Variants in NPR3 observed in about 807,000 individuals in gnomAD.
The protein encoded by NPR3 is natriuretic peptide receptor 3, also known as atrial natriuretic peptide receptor 3.
NPR3 carries 34 observed loss-of-function variants against 54.5 expected under a neutral mutation model. The ratio of observed to expected loss-of-function variants is 0.62; its 90% CI spans 0.47 to 0.83. The LOEUF (loss-of-function observed/expected upper bound fraction) is 0.83, where lower values mean the gene tolerates loss of function less well. Ranked by LOEUF, NPR3 falls within the 40% of genes least tolerant of loss-of-function variation. NPR3 has a pLI of 0.00. For synonymous variants in NPR3, 289 were observed against 297.1 expected (o/e 0.97, Z 0.28); for missense variants, 674 against 720.8 (o/e 0.94, Z 0.74).
intron 3 of NPR3, among the ~76,000 whole-genome samples, chr5:32,768,899 T>G (rs1252837113): frequency 6.6e-6 from 1 of 152,224 alleles, no homozygotes; most frequent in Non-Finnish European, 1.5e-5. Flanking sequence ...GCTTCCACTA[T>G]GCACAGAGTT....
rs1328416342 is a variant in NPR3, at chr5:32,786,870, T to C, written c.*525T>C. ...TGTGGTTGAGGACTTCTCTGTCCGATGTCTACATTCAGGTTCTGACTTCAT... is the reference window on the plus strand; with the variant it reads ...TGTGGTTGAGGACTTCTCTGTCCGACGTCTACATTCAGGTTCTGACTTCAT... On this transcript the variant is annotated 3_prime_UTR_variant, in exon 8 of 8. Transcript: ENST00000265074. 1 of 154,770 alleles carries C rather than the reference T, an allele frequency of 6.5e-6. No homozygotes were observed. The highest frequency in any genetic ancestry group is 1.9e-4 in the East Asian group (1 of 5,280). 9.6% of individuals were successfully genotyped at this position (154,770 alleles called of 1,614,324 possible).
upstream of NPR3, chr5:32,709,945 A>T (rs1337907198): frequency 2.0e-5 from 3 of 152,230 alleles, no homozygotes; most frequent in African/African-American, 7.2e-5. Flanking sequence ...ATTTGTGGAC[A>T]CGGACGCCTA....
At chr5:32,710,997 G>C (rs975760048), upstream of NPR3, among the ~76,000 whole-genome samples, 6 of 152,062 alleles carry the variant, frequency 3.9e-5, no homozygotes, top group African/African-American at 1.4e-4. Context: ...AGCGTGGAAA[G>C]GGAGAGGCGG....
At chr5:32,727,774 A>T (rs1283040436) in intron 2 of NPR3, among the ~76,000 whole-genome samples, 1 of 152,188 alleles carries the variant, frequency 6.6e-6, no homozygotes, top group Non-Finnish European at 1.5e-5. Context: ...TAGTTTTTAT[A>T]TCATTTCAAA....
upstream of NPR3, among the ~76,000 whole-genome samples, chr5:32,705,958 C>T (rs1579575462): frequency 1.3e-5 from 2 of 152,228 alleles, no homozygotes; most frequent in East Asian, 3.9e-4. Flanking sequence ...AGTGAAATAT[C>T]CCAAAGCATT....
upstream of NPR3, among the ~76,000 whole-genome samples, chr5:32,705,138 A>G (rs979550064): frequency 6.6e-6 from 1 of 152,222 alleles, no homozygotes; most frequent in Non-Finnish European, 1.5e-5. Flanking sequence ...TTTACAGTGA[A>G]GCTTGGGTTG....
chr5:32,773,569 C>T (rs986475085), intron 3 of NPR3, among the ~76,000 whole-genome samples: 2 of 152,168 alleles, frequency 1.3e-5, no homozygotes, highest in African/African-American at 2.4e-5. Context: ...TGTGCCCTGA[C>T]TGTGTGTTTT....
chr5:32,771,574 G>C (rs1368888359), intron 3 of NPR3, among the ~76,000 whole-genome samples: 1 of 152,144 alleles, frequency 6.6e-6, no homozygotes, highest in East Asian at 1.9e-4. Context: ...ATGGTGCTGG[G>C]GCACACAGTC....
chr5:32,702,258 T>A (rs1027165058), intron 1 of NPR3, among the ~76,000 whole-genome samples: 1 of 152,180 alleles, frequency 6.6e-6, no homozygotes, highest in African/African-American at 2.4e-5. Context: ...ATTCTTTTTT[T>A]AAATTTTATT....
At chr5:32,743,741 A>G (rs1044910284) in intron 3 of NPR3, among the ~76,000 whole-genome samples, 1 of 152,100 alleles carries the variant, frequency 6.6e-6, no homozygotes, top group African/African-American at 2.4e-5. Flanking sequence ...AGCTTCCCTG[A>G]GTCCAGTGTT....
intron 5 of NPR3, among the ~76,000 whole-genome samples, chr5:32,782,339 ACCCTGGCTGTCCTTCACATGT>A (rs150709111): frequency 0.12 from 17,886 of 151,930 alleles, 1,213 homozygotes; most frequent in Middle Eastern, 0.17. Flanking sequence ...TATACGGTGG[ACCCTGGCTGTCCTTCACATGT>A]CCCTGAAAGT....
chr5:32,753,169 A>G (rs1459471714), intron 3 of NPR3, among the ~76,000 whole-genome samples: 1 of 152,214 alleles, frequency 6.6e-6, no homozygotes, highest in Non-Finnish European at 1.5e-5. Flanking sequence ...TCTGAAAGGT[A>G]GTCACTGTTT....
chr5:32,708,585 T>A (rs551488417), upstream of NPR3, among the ~76,000 whole-genome samples: 17 of 152,352 alleles, frequency 1.1e-4, no homozygotes, highest in African/African-American at 3.8e-4. Context: ...TCTCAGGGGA[T>A]GAAGAGGTAT....
At chr5:32,746,264 T>G (rs991447962) in intron 3 of NPR3, among the ~76,000 whole-genome samples, 3 of 152,242 alleles carry the variant, frequency 2.0e-5, no homozygotes, top group African/African-American at 7.2e-5. Context: ...TAGGCTGTGT[T>G]AACACTTTAT....
At chr5:32,783,853 G>T (rs1022992989) in intron 6 of NPR3, among the ~76,000 whole-genome samples, 3 of 152,096 alleles carry the variant, frequency 2.0e-5, no homozygotes, top group Non-Finnish European at 2.9e-5. Context: ...AGAAAGAAAT[G>T]TGCCCACCTA....
intron 3 of NPR3, among the ~76,000 whole-genome samples, chr5:32,767,496 C>A (rs1741535560): frequency 6.6e-6 from 1 of 152,208 alleles, no homozygotes; most frequent in Non-Finnish European, 1.5e-5. Context: ...GTGAAGAGAA[C>A]TGCTTGACTT....
chr5:32,782,334 G>C (rs1034221466), intron 5 of NPR3, among the ~76,000 whole-genome samples: 1 of 148,870 alleles, frequency 6.7e-6, no homozygotes, highest in African/African-American at 2.5e-5. Context: ...TCGGGTATAC[G>C]GTGGACCCTG....
upstream of NPR3, chr5:32,710,859 G>GTTTTTTTTTTTTTTTTTTTTTTT (rs56022335): frequency 6.0e-5 from 59 of 979,704 alleles, no homozygotes; most frequent in African/African-American, 3.2e-4. Context: ...CCCAGTCCTG[G>GTTTTTTTTTTTTTTTTTTTTTTT]TTTTTTTTTT....
At chr5:32,737,826 T>C (rs57701690) in intron 2 of NPR3, among the ~76,000 whole-genome samples, 8,821 of 152,262 alleles carry the variant, frequency 0.058, 298 homozygotes, top group Non-Finnish European at 0.073. Context: ...AGTTTTCTTA[T>C]CTGTAAAATA....
Sources: gnomAD v4.1 joint callset for allele counts (sites outside exome capture counted in the v4.1 genomes callset) on GRCh38, gnomAD v4.1.1 for gene constraint, MANE v1.5 for transcripts, NCBI Gene and HGNC (gene_info 2026-07-23, HGNC 2026-07-21) for gene names.